Variants in LPCAT2 observed in about 807,000 individuals in gnomAD.
LPCAT2 encodes the protein 1-AGP acyltransferase 11.
A neutral mutation model predicts 64.7 loss-of-function variants in LPCAT2; 58 were observed. The observed-to-expected ratio is 0.90, with a 90% CI of 0.73 to 1.12. LPCAT2 has a LOEUF of 1.12. LPCAT2 is among the 50% of genes most tolerant of loss of function. LPCAT2 has a pLI of 0.00. For missense variants in LPCAT2, 579 were observed against 669.8 expected (o/e 0.86, Z 1.50); for synonymous variants, 252 against 245.3 (o/e 1.03, Z -0.26).
intron 11 of LPCAT2, among the ~76,000 whole-genome samples, chr16:55,551,699 A>G (rs1186194026): frequency 1.3e-5 from 2 of 152,214 alleles, no homozygotes; most frequent in African/African-American, 4.8e-5. Context: ...CAATTAGATA[A>G]TTGAACTGTC....
chr16:55,578,033 A>C (rs1963847372), intron 12 of LPCAT2, among the ~76,000 whole-genome samples: 1 of 152,126 alleles, frequency 6.6e-6, no homozygotes. Flanking sequence ...TACCACTGTT[A>C]GCATCTCTTC....
At chr16:55,527,527 A>C (rs1963188526) in intron 2 of LPCAT2, among the ~76,000 whole-genome samples, 1 of 150,734 alleles carries the variant, frequency 6.6e-6, no homozygotes, top group Non-Finnish European at 1.5e-5. Flanking sequence ...TGGATGATGT[A>C]CATATTTTAT....
intron 1 of LPCAT2, among the ~76,000 whole-genome samples, chr16:55,522,454 GT>G (rs1161257707): frequency 6.6e-6 from 1 of 151,628 alleles, no homozygotes; most frequent in Non-Finnish European, 1.5e-5. Flanking sequence ...ATCCTAACAG[GT>G]TTTTGTGTAT....
chr16:55,559,207 G>C (rs1178829791), intron 11 of LPCAT2, among the ~76,000 whole-genome samples: 4 of 152,130 alleles, frequency 2.6e-5, no homozygotes, highest in Admixed American at 1.3e-4. Flanking sequence ...TTTCCATTCT[G>C]TAAGAAATTT....
chr16:55,532,802 T>C (rs1295473634), intron 5 of LPCAT2, 22 bp from the exon 6 acceptor site: 1 of 1,585,432 alleles, frequency 6.3e-7, no homozygotes, highest in South Asian at 1.1e-5. Context: ...AAACACATTA[T>C]AAACTTTCAA....
intron 11 of LPCAT2, among the ~76,000 whole-genome samples, chr16:55,569,675 G>A (rs1430929484): frequency 6.6e-6 from 1 of 152,100 alleles, no homozygotes; most frequent in African/African-American, 2.4e-5. Flanking sequence ...CTTCCAGCAT[G>A]CTCATGGAAA....
At chr16:55,572,898 G>A (rs1433008382) in intron 11 of LPCAT2, among the ~76,000 whole-genome samples, 1 of 152,134 alleles carries the variant, frequency 6.6e-6, no homozygotes, top group Non-Finnish European at 1.5e-5. Context: ...TTGGTTGAAT[G>A]TAAATGTAAT....
intron 12 of LPCAT2, 97 bp downstream of exon 12, chr16:55,574,826 T>TCACA: frequency 1.2e-6 from 1 of 868,842 alleles, no homozygotes; most frequent in Non-Finnish European, 1.9e-6. Context: ...ATTATGTGAT[T>TCACA]TTATAGATCT....
intron 1 of LPCAT2, among the ~76,000 whole-genome samples, chr16:55,521,921 T>G (rs1160746090): frequency 2.0e-5 from 3 of 151,694 alleles, no homozygotes; most frequent in African/African-American, 7.2e-5. Context: ...ATCTGTTTCC[T>G]CAAAGGTTTG....
At chr16:55,556,013 C>G (rs1244223797) in intron 11 of LPCAT2, among the ~76,000 whole-genome samples, 1 of 152,090 alleles carries the variant, frequency 6.6e-6, no homozygotes, top group Non-Finnish European at 1.5e-5. Context: ...CAAGGCTTCA[C>G]CATGTTGGCC....
At chr16:55,518,362 G>A (rs1177127704) in intron 1 of LPCAT2, among the ~76,000 whole-genome samples, 1 of 152,128 alleles carries the variant, frequency 6.6e-6, no homozygotes, top group Non-Finnish European at 1.5e-5. Context: ...CTGATCTACA[G>A]ATTAGTATAA....
In LPCAT2 at chr16:55,562,332, T is replaced by A. The variant is rs141374753; in HGVS notation, c.1215+11230T>A. Reference sequence around the variant, plus strand: ...AGCCTGTAGTCAGGCCTACACATGATCTCTTCTATAGGTAAATGTTCTCCT... The same window carrying A: ...AGCCTGTAGTCAGGCCTACACATGAACTCTTCTATAGGTAAATGTTCTCCT... On this transcript the variant is annotated intron_variant, in intron 11 of 13. Coordinates refer to ENST00000262134, the MANE Select transcript of LPCAT2 (RefSeq NM_017839.5). Among the ~76,000 whole-genome samples the A allele has an allele frequency of 2.8e-4, 42 of 152,044 alleles. No individual in the cohort carries two copies. In the East Asian group the frequency reaches 7.0e-3, roughly 25 times the overall value.
chr16:55,537,871 C>CT (rs1165471597), intron 8 of LPCAT2, among the ~76,000 whole-genome samples: 2 of 152,216 alleles, frequency 1.3e-5, no homozygotes, highest in African/African-American at 4.8e-5. Context: ...TTGCTCTCAT[C>CT]TTTTTACTCC....
At chr16:55,548,815 C>T (rs2142397980) in intron 9 of LPCAT2, among the ~76,000 whole-genome samples, 1 of 152,194 alleles carries the variant, frequency 6.6e-6, no homozygotes, top group Admixed American at 6.5e-5. Flanking sequence ...TGTTCGGCTC[C>T]ATTTATCTGT....
At chr16:55,568,423 A>T (rs1781564027) in intron 11 of LPCAT2, among the ~76,000 whole-genome samples, 1 of 152,222 alleles carries the variant, frequency 6.6e-6, no homozygotes, top group Non-Finnish European at 1.5e-5. Context: ...AGAAAAACAA[A>T]AAAAGAAAAA....
rs1458493752 is a variant in LPCAT2, at chr16:55,585,726, A to AG, written c.*2630dup. The stretch of plus-strand genomic sequence containing the variant: ...TTGCCACTGCTTTTAGAGCCTTGGA[A>AG]GGCTAAGTGTGATAGTAATGCTAGC... On this transcript the variant is annotated 3_prime_UTR_variant, in exon 14 of 14. Coordinates refer to ENST00000262134, the MANE Select transcript of LPCAT2 (RefSeq NM_017839.5). 2 of 152,164 alleles carry AG rather than the reference A, an allele frequency of 1.3e-5. No homozygotes were observed. Among genetic ancestry groups the AG allele is most frequent in the Non-Finnish European group, 2.9e-5 (2 of 68,042 alleles). The allele number at this position is 152,164 out of a possible 1,614,324, so 9.4% of individuals were successfully genotyped here. A position where few individuals can be genotyped will look rare whatever the true frequency, so the allele number is the denominator to read the frequency against.
chr16:55,537,606 C>T lies in LPCAT2; in HGVS notation c.826C>T (p.Gln276Ter). 6.2e-7 allele frequency: 1 copy of T among 1,613,192 alleles called. No homozygotes were observed. Among genetic ancestry groups the T allele is most frequent in the Non-Finnish European group, 8.5e-7 (1 of 1,179,510 alleles). ...TCAGCTTTGTATGCTTACTTTCTGC[C>T]AGCTCTTCACAAAGGTAGAAGTTGA... ...FIQLCMLTFC[Q>*]LFTKVEVEFM... The change falls in exon 8 of 14, where the codon CAG (glutamine) becomes TAG (stop). Residue 276 changes from glutamine to a stop codon, truncating the protein, a stop_gained. Transcript: ENST00000262134. LOFTEE classifies it high-confidence loss of function.
In LPCAT2 at chr16:55,528,349, T is replaced by G. The variant is rs1963201719; in HGVS notation, c.312-28T>G. 2.5e-6 allele frequency: 4 copies of G among 1,574,404 alleles called. No individual in the cohort carries two copies. In the South Asian group the frequency reaches 4.5e-5, roughly 18 times the overall value. Reference sequence around the variant, plus strand: ...TGCTGCTAGCTTTAATTAACAGAGCTAATTACATCTTTTCTATATTTTCAA... The same window carrying G: ...TGCTGCTAGCTTTAATTAACAGAGCGAATTACATCTTTTCTATATTTTCAA... On this transcript the variant is annotated intron_variant, in intron 2 of 13. Transcript: ENST00000262134.
chr16:55,520,183 TAAG>T (rs1567391112), intron 1 of LPCAT2, among the ~76,000 whole-genome samples: 1 of 151,778 alleles, frequency 6.6e-6, no homozygotes, highest in Non-Finnish European at 1.5e-5. Context: ...AATACAAAGA[TAAG>T]AAGGGAGAAA....
Sources: allele counts gnomAD v4.1 joint callset (sites outside exome capture counted in the v4.1 genomes callset), GRCh38; gene constraint gnomAD v4.1.1; transcripts MANE v1.5; gene names NCBI Gene and HGNC (gene_info 2026-07-23, HGNC 2026-07-21).